GRIP1: variants seen among roughly 807,000 people sequenced by gnomAD.
The protein encoded by GRIP1 is glutamate receptor-interacting protein 1.
Under a neutral mutation model 129.9 loss-of-function variants are expected in GRIP1, and 45 were observed. That is an observed-to-expected ratio of 0.35 (90% CI 0.27 to 0.44). The LOEUF (loss-of-function observed/expected upper bound fraction) is 0.44, where lower values mean the gene tolerates loss of function less well. Among genes scored for constraint, GRIP1 ranks in the 20% least tolerant of loss-of-function variants. The pLI is 1.00. For missense variants in GRIP1, 1,196 were observed against 1,396.8 expected (o/e 0.86, Z 2.29); for synonymous variants, 530 against 520.8 (o/e 1.02, Z -0.24).
chr12:66,794,489 G>A (rs1017866517), intron 1 of GRIP1, among the ~76,000 whole-genome samples: 6 of 152,162 alleles, frequency 3.9e-5, no homozygotes, highest in Admixed American at 6.6e-5. Context: ...AGAGTGAGCA[G>A]GGTTGTGGGA....
At chr12:66,501,291 T>G (rs929905345) in intron 7 of GRIP1, among the ~76,000 whole-genome samples, 2 of 152,224 alleles carry the variant, frequency 1.3e-5, no homozygotes, top group African/African-American at 4.8e-5. Context: ...TACCAAGTAC[T>G]GAAGTTAATA....
rs200286386 is a variant in GRIP1 at position 66,455,409 on chromosome 12, A to G, written c.1354T>C (p.Leu452=). 26 of 1,613,946 alleles carry G rather than the reference A, an allele frequency of 1.6e-5. No homozygotes were observed. The highest frequency in any genetic ancestry group is 2.1e-5 in the Non-Finnish European group (25 of 1,179,920). The change falls in exon 11 of 25, where the codon TTG becomes CTG. Residue 452 remains leucine, a splice_region_variant and synonymous_variant. Coordinates refer to ENST00000359742, the MANE Select transcript of GRIP1 (RefSeq NM_001366722.1). The part of the protein sequence containing the change: ...RLKKKDFKSS[L]SLASSTVGLA... ...TGCCATTGGCTGTCATTTCACTTAC[A>G]TGAGCTTTTGAAGTCTTTCTTTTTC... is the stretch of plus-strand genomic sequence containing the variant.
intron 1 of GRIP1, among the ~76,000 whole-genome samples, chr12:66,793,042 T>C (rs1448455106): frequency 1.3e-5 from 2 of 152,180 alleles, no homozygotes; most frequent in Admixed American, 1.3e-4. Context: ...ATAGAAAATA[T>C]AAATAAATAA....
At chr12:66,378,573 C>A (rs139500116) in intron 20 of GRIP1, among the ~76,000 whole-genome samples, 2 of 151,800 alleles carry the variant, frequency 1.3e-5, no homozygotes, top group Non-Finnish European at 2.9e-5. Context: ...ATGACAAAAC[C>A]CCATCTCTAG....
intron 12 of GRIP1, 103 bp downstream of exon 12, chr12:66,445,219 A>G (rs1398555947): frequency 2.1e-6 from 2 of 948,670 alleles, no homozygotes; most frequent in East Asian, 4.8e-5. Context: ...CATATCTTGC[A>G]TTTCCTGCAT....
At chr12:66,834,920 T>C (rs2039584055) in intron 1 of GRIP1, among the ~76,000 whole-genome samples, 1 of 103,222 alleles carries the variant, frequency 9.7e-6, no homozygotes, top group Non-Finnish European at 1.9e-5. Context: ...ACAAGACTCG[T>C]CTCTTTAAAA....
rs74364362 is a variant in GRIP1 at position 66,740,236 on chromosome 12, C to T, written c.-420+63817G>A. Among the ~76,000 whole-genome samples, 43 of 152,224 alleles carry T rather than the reference C, an allele frequency of 2.8e-4. No individual in the cohort carries two copies. In the East Asian group the frequency reaches 8.1e-3, roughly 29 times the overall value. On this transcript the variant is annotated intron_variant, in intron 1 of 4. Coordinates refer to the GRIP1 transcript ENST00000538373. ...ATCACCGATTTTTCATTCTGTCTGG[C>T]CTTCCTAGCCCCACTTTTACCCTAG...
At chr12:66,549,336 G>A (rs1267712038) in intron 2 of GRIP1, among the ~76,000 whole-genome samples, 1 of 152,122 alleles carries the variant, frequency 6.6e-6, no homozygotes, top group African/African-American at 2.4e-5. Context: ...AGCAGACAGA[G>A]TTATTTCCCT....
chr12:66,362,607 G>A (rs9919701), intron 23 of GRIP1, among the ~76,000 whole-genome samples: 1 of 151,822 alleles, frequency 6.6e-6, no homozygotes, highest in Non-Finnish European at 1.5e-5. Context: ...ACATTCTACA[G>A]ATAATACACA....
At chr12:66,470,543 C>T (rs1005777706) in intron 7 of GRIP1, among the ~76,000 whole-genome samples, 3 of 152,052 alleles carry the variant, frequency 2.0e-5, no homozygotes, top group African/African-American at 7.2e-5. Flanking sequence ...TTTAATAGAA[C>T]CCTATGTGAA....
intron 1 of GRIP1, among the ~76,000 whole-genome samples, chr12:66,977,667 C>CT (rs540237039): frequency 8.5e-5 from 13 of 152,064 alleles, no homozygotes; most frequent in Non-Finnish European, 1.8e-4. Context: ...ACAATACATA[C>CT]TTTTTTGTAT....
intron 1 of GRIP1, among the ~76,000 whole-genome samples, chr12:66,633,315 T>G (rs1347083801): frequency 6.7e-6 from 1 of 148,488 alleles, no homozygotes; most frequent in East Asian, 1.9e-4. Flanking sequence ...TATACTATAC[T>G]ATACTATATA....
intron 24 of GRIP1, among the ~76,000 whole-genome samples, chr12:66,352,468 C>A (rs528956874): frequency 3.3e-5 from 5 of 152,180 alleles, no homozygotes; most frequent in Non-Finnish European, 7.3e-5. Context: ...CACAGTGGCT[C>A]ACACCTATAA....
chr12:66,867,642 C>A (rs527983038), intron 1 of GRIP1, among the ~76,000 whole-genome samples: 1 of 152,040 alleles, frequency 6.6e-6, no homozygotes, highest in Non-Finnish European at 1.5e-5. Flanking sequence ...TTATTAAATA[C>A]CATTCTTTGA....
intron 1 of GRIP1, among the ~76,000 whole-genome samples, chr12:66,706,940 C>A (rs967431157): frequency 7.3e-5 from 11 of 150,808 alleles, no homozygotes; most frequent in Non-Finnish European, 1.5e-4. Context: ...CACACAGATA[C>A]CTATGTAACA....
intron 2 of GRIP1, among the ~76,000 whole-genome samples, chr12:66,544,674 A>G (rs2061892039): frequency 6.6e-6 from 1 of 152,166 alleles, no homozygotes; most frequent in Admixed American, 6.6e-5. Flanking sequence ...CAAGAATGGT[A>G]ACTGCCAATA....
intron 2 of GRIP1, among the ~76,000 whole-genome samples, chr12:66,556,319 A>G (rs1487719511): frequency 6.6e-6 from 1 of 152,186 alleles, no homozygotes; most frequent in Non-Finnish European, 1.5e-5. Flanking sequence ...CTCGAATAGT[A>G]TATCTGGCAA....
At position 66,777,553 on chromosome 12, in the gene GRIP1, T is replaced by A. The variant is rs1420398887; in HGVS notation, c.-420+26500A>T. Reference sequence around the variant, plus strand: ...CTTACTTAGATGTTTATCATCTATCTCTTGCCTCTAAAATATAGTCTTTGA... The same window carrying A: ...CTTACTTAGATGTTTATCATCTATCACTTGCCTCTAAAATATAGTCTTTGA... On this transcript the variant is annotated intron_variant, in intron 1 of 4. Transcript: ENST00000538373. Among the ~76,000 whole-genome samples, 3 of 152,350 alleles carry A rather than the reference T, an allele frequency of 2.0e-5. No individual in the cohort carries two copies. The East Asian group carries it at 5.8e-4, about 29-fold the overall frequency.
intron 23 of GRIP1, among the ~76,000 whole-genome samples, chr12:66,356,371 A>T (rs1015846738): frequency 1.3e-5 from 2 of 152,208 alleles, no homozygotes; most frequent in Admixed American, 6.5e-5. Flanking sequence ...TGCAAAGCTT[A>T]GATCTTGCCA....
Sources: allele counts gnomAD v4.1 joint callset (sites outside exome capture counted in the v4.1 genomes callset), GRCh38; gene constraint gnomAD v4.1.1; transcripts MANE v1.5; gene names NCBI Gene and HGNC (gene_info 2026-07-23, HGNC 2026-07-21).